The following MSRA variants were observed in gnomAD, a reference collection of about 807,000 sequenced individuals.
The protein encoded by MSRA is methionine sulfoxide reductase A.
In MSRA, 54 loss-of-function variants were observed where a neutral mutation model predicts 31.3. That is an observed-to-expected ratio of 1.73 (90% CI 1.39 to 2.17). MSRA has a LOEUF of 2.17. Ranked by LOEUF, MSRA falls within the 30% of genes most tolerant of loss-of-function variation. The pLI is 0.00. For missense variants in MSRA, 507 were observed against 300.9 expected, an observed-to-expected ratio of 1.69 and a Z score of -5.07; for synonymous variants, 169 against 116.5, an observed-to-expected ratio of 1.45 and a Z score of -2.90.
chr8:10,381,712 G>A (rs557648925), intron 5 of MSRA, among the ~76,000 whole-genome samples: 2 of 152,338 alleles, frequency 1.3e-5, no homozygotes, highest in African/African-American at 2.4e-5. Context: ...AATGTCAGGG[G>A]TAATAGGTGC....
At chr8:10,081,956 G>A (rs553671116) in intron 1 of MSRA, among the ~76,000 whole-genome samples, 1 of 152,108 alleles carries the variant, frequency 6.6e-6, no homozygotes, top group African/African-American at 2.4e-5. Context: ...GTGTCCCAGC[G>A]CTGTGAGGGC....
At chr8:10,406,136 C>T (rs576130920) in intron 5 of MSRA, among the ~76,000 whole-genome samples, 286 of 152,304 alleles carry the variant, frequency 1.9e-3, no homozygotes, top group African/African-American at 5.0e-3. Flanking sequence ...TCCCTGTATC[C>T]GACTCCCAGG....
intron 3 of MSRA, among the ~76,000 whole-genome samples, chr8:10,289,701 G>T (rs960546728): frequency 1.3e-5 from 2 of 152,144 alleles, no homozygotes; most frequent in African/African-American, 4.8e-5. Context: ...CTATTATCAT[G>T]CTCGTAGGGC....
intron 1 of MSRA, among the ~76,000 whole-genome samples, chr8:10,113,225 C>CAGG (rs930243170): frequency 2.1e-5 from 3 of 140,758 alleles, no homozygotes; most frequent in African/African-American, 7.8e-5. Context: ...GCTGCCCCTT[C>CAGG]AGGAGGAAGC....
intron 1 of MSRA, among the ~76,000 whole-genome samples, chr8:10,072,170 C>A (rs895912425): frequency 6.6e-6 from 1 of 152,150 alleles, no homozygotes; most frequent in South Asian, 2.1e-4. Context: ...ATACGTATTC[C>A]ACACAAGGCA....
intron 1 of MSRA, among the ~76,000 whole-genome samples, chr8:10,072,285 A>C (rs1422957551): frequency 6.9e-6 from 1 of 144,122 alleles, no homozygotes; most frequent in Non-Finnish European, 1.5e-5. Flanking sequence ...GGCTGTGCAC[A>C]CAAGACTCCC....
At chr8:10,211,382 G>C (rs1443142139) in intron 2 of MSRA, among the ~76,000 whole-genome samples, 2 of 152,040 alleles carry the variant, frequency 1.3e-5, no homozygotes, top group Non-Finnish European at 2.9e-5. Flanking sequence ...ATCATTCTTA[G>C]CTTCCTCTGT....
At chr8:10,419,566 C>A (rs1808687633) in intron 5 of MSRA, among the ~76,000 whole-genome samples, 1 of 152,122 alleles carries the variant, frequency 6.6e-6, no homozygotes, top group Non-Finnish European at 1.5e-5. Flanking sequence ...CGTCTCTGCC[C>A]CATTAGAGGG....
chr8:10,285,205 C>A (rs1267264619), intron 3 of MSRA, among the ~76,000 whole-genome samples: 1 of 152,190 alleles, frequency 6.6e-6, no homozygotes, highest in African/African-American at 2.4e-5. Context: ...ACCACCAATT[C>A]TGCATCCGCC....
At chr8:10,403,341 C>G (rs746030183) in intron 5 of MSRA, among the ~76,000 whole-genome samples, 1 of 152,162 alleles carries the variant, frequency 6.6e-6, no homozygotes. Flanking sequence ...CCCTGTCGTG[C>G]TGTGTGGGAA....
intron 5 of MSRA, among the ~76,000 whole-genome samples, chr8:10,368,867 C>T (rs1009523485): frequency 1.3e-5 from 2 of 152,128 alleles, no homozygotes; most frequent in African/African-American, 2.4e-5. Context: ...TTCCAAAGGG[C>T]CTTTTGCTAA....
chr8:10,343,126 A>C lies in MSRA; in HGVS notation c.543+23137A>C, dbSNP rs368292103. The stretch of plus-strand genomic sequence containing the variant: ...AGGGATACATTTGTAATATTTTAGC[A>C]GTCACTACTTCTAGAAATCATGACC... On this transcript the variant is annotated intron_variant, in intron 5 of 5. Transcript: ENST00000317173. 1.1e-4 allele frequency among the ~76,000 whole-genome samples: 17 copies of C among 151,972 alleles called. No individual in the cohort carries two copies. The East Asian group carries it at 1.5e-3, about 14-fold the overall frequency.
At chr8:10,340,383 A>G (rs572089203) in intron 5 of MSRA, among the ~76,000 whole-genome samples, 23 of 152,130 alleles carry the variant, frequency 1.5e-4, no homozygotes, top group African/African-American at 5.6e-4. Flanking sequence ...TTATCTATCT[A>G]TCTATCTGAG....
intron 2 of MSRA, among the ~76,000 whole-genome samples, chr8:10,222,124 C>T (rs1343832647): frequency 1.3e-5 from 2 of 151,288 alleles, no homozygotes. Flanking sequence ...TTGAAGATGG[C>T]ATATTTAGGT....
intron 1 of MSRA, among the ~76,000 whole-genome samples, chr8:10,161,468 A>T (rs980944040): frequency 1.3e-5 from 2 of 152,212 alleles, no homozygotes; most frequent in East Asian, 3.9e-4. Context: ...TAAGTAGGGC[A>T]GGTTTTATGC....
chr8:10,406,765 GA>G (rs1807843305), intron 5 of MSRA, among the ~76,000 whole-genome samples: 1 of 152,210 alleles, frequency 6.6e-6, no homozygotes, highest in Admixed American at 6.5e-5. Context: ...CCATATTTCT[GA>G]AAAGTCATGT....
intron 1 of MSRA, among the ~76,000 whole-genome samples, chr8:10,188,894 A>C (rs1261341529): frequency 6.6e-6 from 1 of 152,212 alleles, no homozygotes; most frequent in African/African-American, 2.4e-5. Flanking sequence ...TCAATTCATC[A>C]ATGTCTACAA....
At chr8:10,250,091 G>A (rs1023951518) in intron 3 of MSRA, among the ~76,000 whole-genome samples, 2 of 152,100 alleles carry the variant, frequency 1.3e-5, no homozygotes, top group Non-Finnish European at 2.9e-5. Context: ...AAGTTGGGCT[G>A]ACACTGGTTT....
chr8:10,118,310 G>C (rs555401420), intron 1 of MSRA, among the ~76,000 whole-genome samples: 1 of 152,286 alleles, frequency 6.6e-6, no homozygotes, highest in African/African-American at 2.4e-5. Context: ...CTGAGTGTTA[G>C]CTGCGTGCAG....
Sources: gnomAD v4.1 joint callset for allele counts (sites outside exome capture counted in the v4.1 genomes callset) on GRCh38, gnomAD v4.1.1 for gene constraint, MANE v1.5 for transcripts, NCBI Gene and HGNC (gene_info 2026-07-23, HGNC 2026-07-21) for gene names.